Variants in FAF1 observed in about 807,000 individuals in gnomAD.
FAF1 encodes FAS-associated factor 1.
FAF1 carries 25 observed loss-of-function variants against 92.5 expected under a neutral mutation model. The observed-to-expected ratio is 0.27, with a 90% CI of 0.20 to 0.38. FAF1 has a LOEUF of 0.38. FAF1 is among the 10% of genes least tolerant of loss of function. The probability of loss-of-function intolerance (pLI) is 1.00; values close to 1 mark genes in which losing one functional copy is unlikely to be tolerated. For missense variants in FAF1, 636 were observed against 793.3 expected (o/e 0.80, Z 2.38); for synonymous variants, 234 against 273.2 (o/e 0.86, Z 1.42).
intron 13 of FAF1, among the ~76,000 whole-genome samples, chr1:50,550,713 G>C (rs1274696052): frequency 6.6e-6 from 1 of 151,974 alleles, no homozygotes; most frequent in Non-Finnish European, 1.5e-5. Context: ...CTTTTACAGG[G>C]GATTTATATT....
At chr1:50,723,908 C>A (rs1054386700) in intron 6 of FAF1, among the ~76,000 whole-genome samples, 1 of 152,132 alleles carries the variant, frequency 6.6e-6, no homozygotes, top group African/African-American at 2.4e-5. Flanking sequence ...GCCACCACAC[C>A]TGGCTAATTT....
intron 8 of FAF1, among the ~76,000 whole-genome samples, chr1:50,649,836 G>A (rs966523265): frequency 3.3e-5 from 5 of 151,572 alleles, no homozygotes; most frequent in Admixed American, 3.3e-4. Context: ...ATGATGGCAC[G>A]TGCCTGTAGT....
intron 2 of FAF1, among the ~76,000 whole-genome samples, chr1:50,826,170 A>T (rs988015698): frequency 2.6e-5 from 4 of 152,214 alleles, no homozygotes; most frequent in African/African-American, 9.6e-5. Flanking sequence ...AATACGAAAA[A>T]TTTTAAAAAG....
chr1:50,836,174 T>TTTTGTTTTTTG (rs1048549289), intron 2 of FAF1, among the ~76,000 whole-genome samples: 13 of 139,584 alleles, frequency 9.3e-5, no homozygotes, highest in South Asian at 4.6e-4. Context: ...GTTTCTGTTT[T>TTTTGTTTTTTG]TTTTTTTTTT....
At chr1:50,926,719 T>C (rs555148764) in intron 1 of FAF1, among the ~76,000 whole-genome samples, 2 of 152,228 alleles carry the variant, frequency 1.3e-5, no homozygotes, top group East Asian at 1.9e-4. Flanking sequence ...AAACTAAAAA[T>C]ACAAGGGAAA....
chr1:50,666,129 CAA>C (rs57489116), intron 7 of FAF1, among the ~76,000 whole-genome samples: 30 of 122,648 alleles, frequency 2.4e-4, no homozygotes, highest in Admixed American at 1.7e-4. Flanking sequence ...GAGCCCAGAT[CAA>C]AAAAAAAAAA....
At chr1:50,554,993 T>C (rs568157681) in intron 13 of FAF1, among the ~76,000 whole-genome samples, 5 of 152,120 alleles carry the variant, frequency 3.3e-5, no homozygotes, top group Admixed American at 2.6e-4. Flanking sequence ...TAATGAAAAA[T>C]TGTGGTTTCT....
chr1:50,455,952 G>A (rs1298508506), intron 18 of FAF1, among the ~76,000 whole-genome samples: 1 of 152,118 alleles, frequency 6.6e-6, no homozygotes, highest in Non-Finnish European at 1.5e-5. Context: ...GCATGCACCT[G>A]TAATCCCAGC....
intron 15 of FAF1, among the ~76,000 whole-genome samples, chr1:50,508,461 AGTG>A (rs1458439507): frequency 6.6e-6 from 1 of 152,244 alleles, no homozygotes; most frequent in African/African-American, 2.4e-5. Context: ...GAAGACATTA[AGTG>A]CAAGAAGTCA....
At chr1:50,449,479 C>CT (rs1170628371) in intron 18 of FAF1, among the ~76,000 whole-genome samples, 1 of 146,014 alleles carries the variant, frequency 6.8e-6, no homozygotes, top group African/African-American at 2.5e-5. Flanking sequence ...GGGGGAACAA[C>CT]TTTTTCTTTC....
At chr1:50,520,476 T>C (rs978887842) in intron 15 of FAF1, among the ~76,000 whole-genome samples, 1 of 152,214 alleles carries the variant, frequency 6.6e-6, no homozygotes, top group Non-Finnish European at 1.5e-5. Context: ...TTGCTCATGT[T>C]TTCCCAATCT....
intron 8 of FAF1, among the ~76,000 whole-genome samples, chr1:50,631,740 A>C (rs1653799823): frequency 6.6e-6 from 1 of 152,224 alleles, no homozygotes; most frequent in South Asian, 2.1e-4. Flanking sequence ...TTACAACCAC[A>C]ATGTCTGTGG....
chr1:50,605,366 A>G (rs968932961), intron 8 of FAF1, among the ~76,000 whole-genome samples: 2 of 152,212 alleles, frequency 1.3e-5, no homozygotes, highest in Admixed American at 6.5e-5. Context: ...GCATTAAGTT[A>G]CACAATAAGA....
chr1:50,937,817 G>C (rs1394508685), intron 1 of FAF1, among the ~76,000 whole-genome samples: 1 of 152,042 alleles, frequency 6.6e-6, no homozygotes, highest in African/African-American at 2.4e-5. Context: ...CTATTCACCT[G>C]TACCTAGTAT....
chr1:50,715,257 C>T (rs1658123420), intron 6 of FAF1, among the ~76,000 whole-genome samples: 1 of 152,124 alleles, frequency 6.6e-6, no homozygotes, highest in Non-Finnish European at 1.5e-5. Flanking sequence ...CATTTTCAAA[C>T]ATATCACCTT....
intron 7 of FAF1, among the ~76,000 whole-genome samples, chr1:50,659,253 G>A (rs539573712): frequency 6.6e-6 from 1 of 151,808 alleles, no homozygotes; most frequent in East Asian, 1.9e-4. Flanking sequence ...GAGGGAGGGG[G>A]AAGGGAAAGG....
At chr1:50,601,692 CAT>C (rs754925660) in intron 8 of FAF1, among the ~76,000 whole-genome samples, 25 of 147,822 alleles carry the variant, frequency 1.7e-4, no homozygotes, top group Admixed American at 2.0e-4. Flanking sequence ...CATATATATT[CAT>C]ATATATATAT....
intron 6 of FAF1, among the ~76,000 whole-genome samples, chr1:50,728,451 A>G (rs1300395261): frequency 6.6e-6 from 1 of 152,208 alleles, no homozygotes; most frequent in African/African-American, 2.4e-5. Context: ...AGTCTTTTAT[A>G]GGTCCCAGTA....
chr1:50,862,539 C>T (rs868484483), intron 1 of FAF1, among the ~76,000 whole-genome samples: 2 of 151,802 alleles, frequency 1.3e-5, no homozygotes, highest in African/African-American at 4.8e-5. Context: ...CTGCACCTCA[C>T]ATCTCAATAC....
Sources: allele counts gnomAD v4.1 joint callset (sites outside exome capture counted in the v4.1 genomes callset), GRCh38; gene constraint gnomAD v4.1.1; transcripts MANE v1.5; gene names NCBI Gene and HGNC (gene_info 2026-07-23, HGNC 2026-07-21).